GRAMD4: variants seen among roughly 807,000 people sequenced by gnomAD.
The protein encoded by GRAMD4 is GRAM domain containing 4.
Under a neutral mutation model 83.9 loss-of-function variants are expected in GRAMD4, and 25 were observed. The ratio of observed to expected loss-of-function variants is 0.30; its 90% confidence interval spans 0.22 to 0.42. GRAMD4 has a LOEUF of 0.42. GRAMD4 is among the 10% of genes least tolerant of loss of function. The probability of loss-of-function intolerance (pLI) is 1.00; values close to 1 mark genes in which losing one functional copy is unlikely to be tolerated. For missense variants in GRAMD4, 593 were observed against 788.7 expected (o/e 0.75, Z 2.97); for synonymous variants, 336 against 320.9 (o/e 1.05, Z -0.50).
chr22:46,596,655 A>G lies in GRAMD4; in HGVS notation c.-50+19365A>G, dbSNP rs7285880. Among the ~76,000 whole-genome samples, 1,293 of 152,242 alleles carry G rather than the reference A, an allele frequency of 8.5e-3. 18 individuals carry two copies. The highest frequency in any genetic ancestry group is 0.03 in the African/African-American group (1,237 of 41,538). Reference sequence around the variant, plus strand: ...AACCTCCATCCCCATAGTTCAAGTGATTCTCCTGCCTCAGCCTTCTGAGTA... The same window carrying G: ...AACCTCCATCCCCATAGTTCAAGTGGTTCTCCTGCCTCAGCCTTCTGAGTA... On this transcript the variant is annotated intron_variant, in intron 1 of 1. Coordinates refer to the GRAMD4 transcript ENST00000431155.
Position 46,620,959 on chromosome 22 carries a change from C to T in GRAMD4, c.-50+394C>T, listed in dbSNP as rs1455505092. On this transcript the variant is annotated intron_variant, in intron 1 of 18. Transcript: ENST00000406902. The surrounding 1 kb of genome is among the most constrained non-coding windows in gnomAD (Gnocchi z 4.7). ...GCCGATCTGAGAGGGCCGCATGGCT[C>T]GGAGTTGCAGGGGCCCTGGGCTGCC... Among the ~76,000 whole-genome samples, 1 of 151,986 alleles carries T rather than the reference C, an allele frequency of 6.6e-6. No individual in the cohort carries two copies. Among genetic ancestry groups the T allele is most frequent in the Admixed American group, 6.5e-5 (1 of 15,268 alleles).
chr22:46,603,474 G>T (rs1194806919), intron 1 of GRAMD4, among the ~76,000 whole-genome samples: 1 of 144,208 alleles, frequency 6.9e-6, no homozygotes, highest in Non-Finnish European at 1.5e-5. Flanking sequence ...CTCCCAAAGT[G>T]CTGGGATTAC....
chr22:46,577,262 A>T, exon 1 of GRAMD4: 1 of 977,780 alleles, frequency 1.0e-6, no homozygotes, highest in Non-Finnish European at 1.2e-6. Flanking sequence ...CGGCGGGTGG[A>T]TGAGAGTTGG....
chr22:46,673,798 C>T lies in GRAMD4; in HGVS notation c.1368C>T (p.Asn456=), dbSNP rs780477442. 3.7e-6 allele frequency: 6 copies of T among 1,613,050 alleles called. No homozygotes were observed. The highest frequency in any genetic ancestry group is 3.3e-5 in the Admixed American group (2 of 60,032). The change falls in exon 15 of 19, where the codon AAC becomes AAT. Residue 456 remains asparagine (N), a synonymous_variant. Transcript: ENST00000406902. ...NFHEIFNLTE[N]ERPLAVCENG... is the part of the protein sequence containing the mutation. ...ACGAGATCTTCAATCTGACAGAAAA[C>T]GAGCGTCCGCTGGCGGGTATGTGTG...
At chr22:46,682,248 C>G (rs924687223), downstream of GRAMD4, among the ~76,000 whole-genome samples, 1 of 152,236 alleles carries the variant, frequency 6.6e-6, no homozygotes, top group Non-Finnish European at 1.5e-5. Context: ...CAGACAGGAG[C>G]TGGCCCATGC....
chr22:46,643,731 G>A (rs914429998), intron 3 of GRAMD4, among the ~76,000 whole-genome samples: 6 of 152,152 alleles, frequency 3.9e-5, no homozygotes, highest in South Asian at 2.1e-4. Flanking sequence ...GGTTTGTCCC[G>A]TTTCCTCATG....
intron 1 of GRAMD4, among the ~76,000 whole-genome samples, chr22:46,603,201 G>GTTTTTTTTTTTTT (rs569545888): frequency 7.8e-5 from 7 of 89,416 alleles, no homozygotes; most frequent in African/African-American, 3.3e-4. Context: ...ATCTTCTCTT[G>GTTTTTTTTTTTTT]TTTTTTTTTT....
At chr22:46,657,496 C>T (rs960059874) in intron 3 of GRAMD4, among the ~76,000 whole-genome samples, 3 of 152,238 alleles carry the variant, frequency 2.0e-5, no homozygotes, top group African/African-American at 7.2e-5. Flanking sequence ...CACTCCCTGG[C>T]TCCTGGCCCC....
Position 46,595,130 on chromosome 22 carries a change from C to T in GRAMD4, c.-50+17840C>T, listed in dbSNP as rs376996418. ...GGCCCGGGGGGAGAGTGTGCCTTTC[C>T]CCTGGAGACACACAGGGTGGGGGAA... On this transcript the variant is annotated intron_variant, in intron 1 of 1. Coordinates refer to the GRAMD4 transcript ENST00000431155. 2.0e-5 allele frequency among the ~76,000 whole-genome samples: 3 copies of T among 152,062 alleles called. No homozygotes were observed. The East Asian group carries it at 5.8e-4, about 29-fold the overall frequency.
chr22:46,579,408 TAGAATA>T (rs1175371434), intron 1 of GRAMD4, among the ~76,000 whole-genome samples: 1 of 152,190 alleles, frequency 6.6e-6, no homozygotes, highest in Non-Finnish European at 1.5e-5. Flanking sequence ...TAGAATAGAA[TAGAATA>T]GTGGTTCAGG....
intron 9 of GRAMD4, 80 bp from the exon 10 acceptor site, chr22:46,666,745 C>A: frequency 1.7e-6 from 2 of 1,200,528 alleles, no homozygotes; most frequent in Non-Finnish European, 2.5e-6. Context: ...CCCAGCTGGG[C>A]GTGCAGGGCC....
At chr22:46,576,939 C>CGT (rs2081047138), upstream of GRAMD4, among the ~76,000 whole-genome samples, 33 of 145,372 alleles carry the variant, frequency 2.3e-4, no homozygotes, top group Admixed American at 2.2e-3. Context: ...CGAGCTGGCG[C>CGT]ACGCGGACCC....
chr22:46,661,308 C>G lies in GRAMD4; in HGVS notation c.405-73C>G, dbSNP rs1601657702. The G allele has an allele frequency of 7.4e-6, 9 of 1,217,920 alleles. No individual in the cohort carries two copies. In the East Asian group the frequency reaches 2.1e-4, roughly 28 times the overall value. The allele number at this position is 1,217,920 out of a possible 1,614,324, so 75.4% of individuals were successfully genotyped here. ...TGTGCAGTACACGGTCGCGAGAGCC[C>G]TCGGGGGTGCCTGACTGGGCATGGA... On this transcript the variant is annotated intron_variant, in intron 4 of 18. Transcript: ENST00000406902.
rs9616094 is a variant in GRAMD4, at chr22:46,675,615, C to T, written c.1563+63C>T. The T allele has an allele frequency of 1.4e-3, 1,562 of 1,086,600 alleles. 7 individuals are homozygous for T. Among genetic ancestry groups the T allele is most frequent in the African/African-American group, 0.01 (670 of 64,896 alleles). The allele number at this position is 1,086,600 out of a possible 1,614,324, so 67.3% of individuals were successfully genotyped here. On this transcript the variant is annotated intron_variant, in intron 17 of 18. Coordinates refer to ENST00000406902, the MANE Select transcript of GRAMD4 (RefSeq NM_015124.5). ...TTCTTCGTCACCTGACAGAGGCTGG[C>T]GAGGCTTTCCCTATAGACTTCTGCC...
In GRAMD4 at chr22:46,661,405, G is replaced by A; in HGVS notation, c.429G>A (p.Gln143=). ...GAACCGAGGAGCAGATGGCTCAGCA[G>A]CCCCCAAAAGGGCAGGCCCAGGCCA... The part of the protein sequence containing the change: ...KARTEEQMAQ[Q]PPKGQAQASN... Residue 143 remains glutamine, a synonymous_variant, in exon 5 of 19, where the codon CAG becomes CAA. Transcript: ENST00000406902. The A allele has an allele frequency of 6.2e-7, 1 of 1,612,250 alleles. No individual in the cohort carries two copies. Among genetic ancestry groups the A allele is most frequent in the Non-Finnish European group, 8.5e-7 (1 of 1,179,772 alleles).
intron 5 of GRAMD4, among the ~76,000 whole-genome samples, chr22:46,662,020 C>A (rs2082334968): frequency 6.6e-6 from 1 of 152,250 alleles, no homozygotes; most frequent in African/African-American, 2.4e-5. Flanking sequence ...TAAATGGTTT[C>A]ATTTCATGAC....
chr22:46,646,716 C>T (rs1026814538), intron 3 of GRAMD4, among the ~76,000 whole-genome samples: 1 of 152,214 alleles, frequency 6.6e-6, no homozygotes, highest in Admixed American at 6.5e-5. Flanking sequence ...AAACTCTGCT[C>T]TTACAGTTTC....
chr22:46,675,963 A>T (rs2748341), intron 17 of GRAMD4, among the ~76,000 whole-genome samples: 2 of 152,042 alleles, frequency 1.3e-5, no homozygotes, highest in Non-Finnish European at 2.9e-5. Context: ...ATTTTACCGT[A>T]GCATGGAATG....
At chr22:46,627,053 C>T (rs2081674194) in intron 2 of GRAMD4, 92 bp downstream of exon 2, 2 of 857,838 alleles carry the variant, frequency 2.3e-6, no homozygotes, top group Non-Finnish European at 3.8e-6. Flanking sequence ...AGATTCGTGT[C>T]CTGCCCATGC....
Sources: allele counts gnomAD v4.1 joint callset (sites outside exome capture counted in the v4.1 genomes callset), GRCh38; gene constraint gnomAD v4.1.1; non-coding constraint Gnocchi (gnomAD v3.1); transcripts MANE v1.5; gene names NCBI Gene and HGNC (gene_info 2026-07-23, HGNC 2026-07-21).